DAB1: variants seen among roughly 807,000 people sequenced by gnomAD.
The protein encoded by DAB1 is disabled homolog 1.
In DAB1, 15 loss-of-function variants were observed where a neutral mutation model predicts 64.6. The observed-to-expected ratio is 0.23, with a 90% CI of 0.16 to 0.36. The LOEUF (loss-of-function observed/expected upper bound fraction) is 0.36, where lower values mean the gene tolerates loss of function less well. Among genes scored for constraint, DAB1 ranks in the 10% least tolerant of loss-of-function variants. DAB1 has a pLI of 1.00. For missense variants in DAB1, 596 were observed against 706.7 expected, an observed-to-expected ratio of 0.84 and a Z score of 1.78; for synonymous variants, 235 against 251.9, an observed-to-expected ratio of 0.93 and a Z score of 0.64.
At chr1:57,062,287 G>T (rs764994614) in intron 9 of DAB1, among the ~76,000 whole-genome samples, 1 of 151,960 alleles carries the variant, frequency 6.6e-6, no homozygotes, top group African/African-American at 2.4e-5. Flanking sequence ...AAATTTTCAC[G>T]CTTTGGCTGA....
At chr1:57,512,084 A>G (rs1275699152) in intron 7 of DAB1, among the ~76,000 whole-genome samples, 5 of 152,234 alleles carry the variant, frequency 3.3e-5, no homozygotes, top group Non-Finnish European at 7.3e-5. Flanking sequence ...TAAGCCCTAG[A>G]GAATGTAAGT....
At chr1:58,237,514 G>A (rs112620966) in intron 4 of DAB1, among the ~76,000 whole-genome samples, 1,528 of 152,046 alleles carry the variant, frequency 0.01, 26 homozygotes, top group African/African-American at 0.035. Context: ...TCACCTTGGG[G>A]GTCATTTTTT....
At chr1:58,108,546 A>G (rs1053464849) in intron 5 of DAB1, among the ~76,000 whole-genome samples, 3 of 152,198 alleles carry the variant, frequency 2.0e-5, no homozygotes, top group South Asian at 2.1e-4. Flanking sequence ...TATTTCACAA[A>G]TGCAGATTCC....
rs549125349 is a variant in DAB1 at position 58,322,054 on chromosome 1, T to C, written n.309+21298A>G. On this transcript the variant is annotated intron_variant and non_coding_transcript_variant, in intron 4 of 20. Transcript: ENST00000485760. ...CTAGCCATATGTAGAAAGCTGAAAC[T>C]GGATCCCTTCCTTACACCTTATACA... 3.3e-5 allele frequency among the ~76,000 whole-genome samples: 5 copies of C among 152,362 alleles called. No individual in the cohort carries two copies. The South Asian group carries it at 1.0e-3, about 32-fold the overall frequency.
chr1:58,506,258 T>G, intron 2 of DAB1: 1 of 809,656 alleles, frequency 1.2e-6, no homozygotes, highest in Non-Finnish European at 2.1e-6. Flanking sequence ...TTTTGAGGAT[T>G]TTTTAAAAAC....
downstream of DAB1, among the ~76,000 whole-genome samples, chr1:57,825,486 A>G (rs1347095127): frequency 6.6e-6 from 1 of 152,190 alleles, no homozygotes; most frequent in Admixed American, 6.5e-5. Flanking sequence ...CACTGAGTTT[A>G]TATCTCTGGA....
rs1228532713 is a variant in DAB1 at position 58,430,285 on chromosome 1, G to GT, written n.257+75774dup. On this transcript the variant is annotated intron_variant and non_coding_transcript_variant, in intron 3 of 20. Coordinates refer to the DAB1 transcript ENST00000485760. ...TAGCATAGTGCAGGGCACTGGTATA[G>GT]TTACTCAATAAGCTGTCTTGACAGA... 3.3e-5 allele frequency among the ~76,000 whole-genome samples: 5 copies of GT among 152,244 alleles called. No individual in the cohort carries two copies. In the East Asian group the frequency reaches 9.6e-4, roughly 29 times the overall value.
chr1:57,933,943 T>C (rs1644987982), intron 5 of DAB1, among the ~76,000 whole-genome samples: 1 of 151,976 alleles, frequency 6.6e-6, no homozygotes, highest in East Asian at 1.9e-4. Flanking sequence ...TCGCCCAGGC[T>C]AGAGTGCAGT....
chr1:57,963,436 C>A (rs967557354), intron 5 of DAB1, among the ~76,000 whole-genome samples: 1 of 152,170 alleles, frequency 6.6e-6, no homozygotes, highest in Non-Finnish European at 1.5e-5. Context: ...TTACCAATCA[C>A]GGTGCACCGT....
chr1:57,058,436 T>C (rs1335667905), intron 9 of DAB1, among the ~76,000 whole-genome samples: 1 of 152,186 alleles, frequency 6.6e-6, no homozygotes, highest in Non-Finnish European at 1.5e-5. Flanking sequence ...GATTCATTTG[T>C]TCATTTATTT....
At chr1:57,779,952 T>C (rs1463479510) in intron 6 of DAB1, among the ~76,000 whole-genome samples, 2 of 152,184 alleles carry the variant, frequency 1.3e-5, no homozygotes, top group Admixed American at 6.5e-5. Flanking sequence ...ACAGTCTGCT[T>C]TCCCCACCTT....
intron 9 of DAB1, among the ~76,000 whole-genome samples, chr1:57,029,239 A>T (rs1195231108): frequency 6.6e-6 from 1 of 152,186 alleles, no homozygotes; most frequent in African/African-American, 2.4e-5. Flanking sequence ...AAGTCTTGGC[A>T]ACTTCCATGT....
At chr1:58,151,842 G>A (rs1019315968) in intron 4 of DAB1, among the ~76,000 whole-genome samples, 5 of 152,166 alleles carry the variant, frequency 3.3e-5, no homozygotes, top group Non-Finnish European at 2.9e-5. Context: ...CTGGATAAGT[G>A]GTAAAAGTCT....
chr1:57,851,380 A>G (rs1349523632), intron 1 of DAB1, among the ~76,000 whole-genome samples: 1 of 152,216 alleles, frequency 6.6e-6, no homozygotes, highest in African/African-American at 2.4e-5. Context: ...GACAATGAAG[A>G]CAAAGGACAC....
At chr1:57,519,384 C>A (rs1644499314) in intron 7 of DAB1, among the ~76,000 whole-genome samples, 2 of 152,336 alleles carry the variant, frequency 1.3e-5, no homozygotes, top group Middle Eastern at 3.4e-3. Context: ...ACTGCCACCA[C>A]TGTGCTGCTG....
At chr1:57,377,673 T>G (rs911555161) in intron 1 of DAB1, among the ~76,000 whole-genome samples, 6 of 152,198 alleles carry the variant, frequency 3.9e-5, no homozygotes, top group Admixed American at 1.3e-4. Flanking sequence ...TTATAATTAC[T>G]ACATGTCACC....
intron 7 of DAB1, among the ~76,000 whole-genome samples, chr1:57,478,006 A>G (rs1021173676): frequency 1.3e-5 from 2 of 150,822 alleles, no homozygotes; most frequent in African/African-American, 4.9e-5. Flanking sequence ...GCACCCATTA[A>G]CTCGTCATTT....
At chr1:58,039,003 C>A (rs1010674300) in intron 5 of DAB1, among the ~76,000 whole-genome samples, 1 of 152,098 alleles carries the variant, frequency 6.6e-6, no homozygotes, top group Non-Finnish European at 1.5e-5. Context: ...GCCTCCACAG[C>A]CCACTCTGCT....
chr1:57,851,805 G>C (rs796991884), intron 1 of DAB1, among the ~76,000 whole-genome samples: 8 of 152,274 alleles, frequency 5.3e-5, no homozygotes, highest in African/African-American at 1.9e-4. Flanking sequence ...TTCTCTGGTT[G>C]TATCTCTTGA....
Sources: gnomAD v4.1 joint callset for allele counts (sites outside exome capture counted in the v4.1 genomes callset) on GRCh38, gnomAD v4.1.1 for gene constraint, MANE v1.5 for transcripts, NCBI Gene and HGNC (gene_info 2026-07-23, HGNC 2026-07-21) for gene names.